Variants in GPR55 observed in about 807,000 individuals in gnomAD.
GPR55 encodes G-protein coupled receptor 55.
In GPR55, 6 loss-of-function variants were observed where a neutral mutation model predicts 7.9. That is an observed-to-expected ratio of 0.76 (90% CI 0.41 to 1.49). The LOEUF (loss-of-function observed/expected upper bound fraction) is 1.49, where lower values mean the gene tolerates loss of function less well. Ranked by LOEUF, GPR55 falls within the 40% of genes most tolerant of loss-of-function variation. The pLI, the probability that GPR55 is intolerant of heterozygous loss-of-function variation, is 0.01. For missense variants in GPR55, 376 were observed against 406.0 expected, an observed-to-expected ratio of 0.93 and a Z score of 0.63; for synonymous variants, 183 against 166.8, an observed-to-expected ratio of 1.10 and a Z score of -0.75.
chr2:230,945,270 G>A (rs1196650167), intron 1 of GPR55, among the ~76,000 whole-genome samples: 1 of 152,168 alleles, frequency 6.6e-6, no homozygotes, highest in Non-Finnish European at 1.5e-5. Flanking sequence ...GAGGCTGAGA[G>A]AGGACTGAGT....
chr2:230,939,943 GGGGC>G (rs200260593), intron 1 of GPR55, among the ~76,000 whole-genome samples: 3,689 of 152,084 alleles, frequency 0.024, 138 homozygotes, highest in African/African-American at 0.085. Flanking sequence ...TGTGTTGGCG[GGGGC>G]GGGGACAGCT....
At chr2:230,950,026 G>C (rs2125069385) in intron 1 of GPR55, among the ~76,000 whole-genome samples, 1 of 152,284 alleles carries the variant, frequency 6.6e-6, no homozygotes, top group South Asian at 2.1e-4. Context: ...AGTAGAGACG[G>C]GGTTTCACCA....
At chr2:230,913,054 C>T (rs905550889) in intron 1 of GPR55, among the ~76,000 whole-genome samples, 13 of 152,134 alleles carry the variant, frequency 8.5e-5, no homozygotes, top group Non-Finnish European at 1.6e-4. Context: ...CTTGCTTTTT[C>T]GCTCATCAAT....
rs915059595 is a variant in GPR55, at chr2:230,944,113, G to C, written c.-135+16662C>G. On this transcript the variant is annotated intron_variant, in intron 1 of 1. Transcript: ENST00000392039. The surrounding 1 kb of genome is among the most constrained non-coding windows in gnomAD (Gnocchi z 4.2). Reference sequence around the variant, plus strand: ...AAGCCTCTCCATGAAGATGCCTTCTGCCATTCATTACACACACAACAGCAT... The same window carrying C: ...AAGCCTCTCCATGAAGATGCCTTCTCCCATTCATTACACACACAACAGCAT... Among the ~76,000 whole-genome samples the C allele has an allele frequency of 3.9e-5, 6 of 152,192 alleles. No homozygotes were observed. Among genetic ancestry groups the C allele is most frequent in the African/African-American group, 1.4e-4 (6 of 41,448 alleles).
chr2:230,910,255 C>T lies in GPR55; in HGVS notation c.708G>A (p.Val236=). ...CCAGGTGGACTGGGAGGAAGGAGACCACGAAGACAGCCAGGCTGGCTGCGA... is the reference window on the plus strand; with the variant it reads ...CCAGGTGGACTGGGAGGAAGGAGACTACGAAGACAGCCAGGCTGGCTGCGA... ...YSIAASLAVF[V]VSFLPVHLGF... is the part of the protein sequence containing the mutation. Residue 236 remains valine, a synonymous_variant, in exon 2 of 2, where the codon GTG becomes GTA. Coordinates refer to ENST00000650999, the MANE Select transcript of GPR55 (RefSeq NM_005683.4). This position sits in a 1 kb window ranked among gnomAD's most constrained non-coding sequence, Gnocchi z 5.4. The T allele has an allele frequency of 1.9e-6, 3 of 1,614,060 alleles. No individual in the cohort carries two copies. The highest frequency in any genetic ancestry group is 1.6e-4 in the Middle Eastern group (1 of 6,062).
rs745917531 is a variant in GPR55 at position 230,910,801 on chromosome 2, G to A, written c.162C>T (p.Pro54=). ...GFSTFLKNRW[P]DYAATSIYMI... is the part of the protein sequence containing the mutation. ...TGTAGATGGAGGTGGCAGCATAATC[G>A]GGCCACCTGTTCTTAAGGAAGGTGC... Residue 54 remains proline, a synonymous_variant, in exon 2 of 2, where the codon CCC becomes CCT. Coordinates refer to ENST00000650999, the MANE Select transcript of GPR55 (RefSeq NM_005683.4). The surrounding 1 kb of genome is among the most constrained non-coding windows in gnomAD (Gnocchi z 5.4). The A allele has an allele frequency of 5.2e-5, 84 of 1,611,802 alleles. 1 individual carries two copies. Among genetic ancestry groups the A allele is most frequent in the South Asian group, 2.6e-4 (24 of 90,954 alleles).
At chr2:230,947,492 A>C (rs1487781300) in intron 1 of GPR55, among the ~76,000 whole-genome samples, 1 of 150,344 alleles carries the variant, frequency 6.7e-6, no homozygotes, top group East Asian at 1.9e-4. Flanking sequence ...TCTGTTGGTC[A>C]ACTTTATGAC....
intron 1 of GPR55, among the ~76,000 whole-genome samples, chr2:230,956,849 T>C (rs1691489612): frequency 6.6e-6 from 1 of 152,204 alleles, no homozygotes; most frequent in Non-Finnish European, 1.5e-5. Flanking sequence ...TTGACATTCT[T>C]GGAGAGCCTA....
intron 1 of GPR55, among the ~76,000 whole-genome samples, chr2:230,959,631 T>C (rs1691540001): frequency 6.6e-6 from 1 of 151,182 alleles, no homozygotes; most frequent in Non-Finnish European, 1.5e-5. Flanking sequence ...TCGAAAGTCA[T>C]GTTCCTGCCC....
chr2:230,957,365 A>T (rs939260759), intron 1 of GPR55, among the ~76,000 whole-genome samples: 1 of 152,222 alleles, frequency 6.6e-6, no homozygotes, highest in Non-Finnish European at 1.5e-5. Context: ...ATGACAGTCG[A>T]TCACTGACGG....
At chr2:230,946,011 C>T (rs748029321) in intron 1 of GPR55, among the ~76,000 whole-genome samples, 2 of 152,098 alleles carry the variant, frequency 1.3e-5, no homozygotes, top group African/African-American at 4.8e-5. Context: ...AACATATACA[C>T]AATGAAATAT....
At chr2:230,911,163 T>C in intron 1 of GPR55, 67 bp from the exon 2 acceptor site, 2 of 588,424 alleles carry the variant, frequency 3.4e-6, no homozygotes, top group South Asian at 2.4e-5. Context: ...TTACTTTTTG[T>C]GTATATCATT....
intron 1 of GPR55, among the ~76,000 whole-genome samples, chr2:230,936,997 T>C (rs184564402): frequency 1.3e-5 from 2 of 152,326 alleles, no homozygotes; most frequent in African/African-American, 4.8e-5. Flanking sequence ...AGTTTTCCTC[T>C]TACCTCCCTA....
chr2:230,911,250 C>T (rs1296955832), intron 1 of GPR55, among the ~76,000 whole-genome samples, 154 bp from the exon 2 acceptor site: 1 of 152,196 alleles, frequency 6.6e-6, no homozygotes, highest in East Asian at 1.9e-4. Context: ...TGTGCATGGA[C>T]ATCTGTCTTT....
chr2:230,927,538 C>T (rs1165738956), upstream of GPR55, among the ~76,000 whole-genome samples: 1 of 152,200 alleles, frequency 6.6e-6, no homozygotes, highest in Admixed American at 6.5e-5. Context: ...CCTTAAGCCT[C>T]CTGAAACTTC....
chr2:230,911,172 T>C, intron 1 of GPR55, 76 bp from the exon 2 acceptor site: 1 of 570,608 alleles, frequency 1.8e-6, no homozygotes, highest in Admixed American at 3.2e-5. Context: ...GTGTATATCA[T>C]TCCAGACTCG....
chr2:230,927,503 A>G (rs1455328884), upstream of GPR55, among the ~76,000 whole-genome samples: 3 of 152,198 alleles, frequency 2.0e-5, no homozygotes, highest in Non-Finnish European at 4.4e-5. Context: ...AGTCATAAAT[A>G]GGAAGACCTT....
At chr2:230,939,671 A>G (rs79774674) in intron 1 of GPR55, among the ~76,000 whole-genome samples, 2,523 of 152,284 alleles carry the variant, frequency 0.017, 76 homozygotes, top group African/African-American at 0.058. Context: ...GGCCGTGTCC[A>G]TGTAACACTG....
intron 1 of GPR55, among the ~76,000 whole-genome samples, chr2:230,913,233 C>A (rs1012929497): frequency 1.3e-5 from 2 of 152,176 alleles, no homozygotes; most frequent in South Asian, 2.1e-4. Context: ...TGACTTATTT[C>A]TTTGCTGTGC....
Sources: gnomAD v4.1 joint callset for allele counts (sites outside exome capture counted in the v4.1 genomes callset) on GRCh38, gnomAD v4.1.1 for gene constraint, Gnocchi (gnomAD v3.1) non-coding constraint, MANE v1.5 for transcripts, NCBI Gene and HGNC (gene_info 2026-07-23, HGNC 2026-07-21) for gene names.